The following NDFIP1 variants were observed in gnomAD, a reference collection of about 807,000 sequenced individuals.
NDFIP1 encodes NEDD4 family-interacting protein 1.
In NDFIP1, 7 loss-of-function variants were observed where a neutral mutation model predicts 28.8. That is an observed-to-expected ratio of 0.24 (90% confidence interval 0.14 to 0.46). NDFIP1 has a LOEUF of 0.46. NDFIP1 is among the 20% of genes least tolerant of loss of function. The pLI, the probability that NDFIP1 is intolerant of heterozygous loss-of-function variation, is 0.99. For synonymous variants in NDFIP1, 92 were observed against 101.0 expected (o/e 0.91, Z 0.53); for missense variants, 194 against 269.1 (o/e 0.72, Z 1.95).
chr5:142,132,081 T>C (rs1415459406), intron 2 of NDFIP1, 131 bp from the exon 3 acceptor site: 7 of 1,149,686 alleles, frequency 6.1e-6, no homozygotes, highest in South Asian at 1.7e-5. Context: ...CATCTAAGAA[T>C]GTCTTTTGGT....
At chr5:142,127,571 C>T (rs940461692) in intron 1 of NDFIP1, among the ~76,000 whole-genome samples, 1 of 152,132 alleles carries the variant, frequency 6.6e-6, no homozygotes, top group African/African-American at 2.4e-5. Flanking sequence ...GCGATGGAGG[C>T]ATAGGTAGTT....
At position 142,108,953 on chromosome 5, in the gene NDFIP1, C is replaced by A. The variant is rs760364854; in HGVS notation, c.-22C>A. 4.9e-6 allele frequency: 7 copies of A among 1,433,600 alleles called. No individual in the cohort carries two copies. The highest frequency in any genetic ancestry group is 6.4e-6 in the Non-Finnish European group (7 of 1,096,050). The allele number at this position is 1,433,600 out of a possible 1,614,324, so 88.8% of individuals were successfully genotyped here. A position where few individuals can be genotyped will look rare whatever the true frequency, so the allele number is the denominator to read the frequency against. ...TCAGCTAGCTCGCTCGCTCGCTCTG[C>A]TTCCCTGCTGCCGGCTGCGCCATGG... On this transcript the variant is annotated 5_prime_UTR_variant, in exon 1 of 8. Transcript: ENST00000253814.
At chr5:142,112,837 T>G (rs1396745818) in intron 1 of NDFIP1, among the ~76,000 whole-genome samples, 1 of 152,050 alleles carries the variant, frequency 6.6e-6, no homozygotes, top group Non-Finnish European at 1.5e-5. Context: ...TTATTTTATT[T>G]TTTTTTTCAT....
rs552679606 is a variant in NDFIP1 at position 142,118,848 on chromosome 5, C to A, written c.63+9811C>A. Reference sequence around the variant, plus strand: ...TTTATTTTATTGCTTAAATTGCATACCTCCATCATTGTGGATTTTTTTTTA... The same window carrying A: ...TTTATTTTATTGCTTAAATTGCATAACTCCATCATTGTGGATTTTTTTTTA... On this transcript the variant is annotated intron_variant, in intron 1 of 7. Transcript: ENST00000253814. Among the ~76,000 whole-genome samples the A allele has an allele frequency of 5.9e-5, 9 of 152,270 alleles. No individual in the cohort carries two copies. The East Asian group carries it at 1.7e-3, about 29-fold the overall frequency.
Position 142,131,891 on chromosome 5 carries a change from C to T in NDFIP1, c.147C>T (p.Ser49=), listed in dbSNP as rs771094858. 92 of 1,593,402 alleles carry T rather than the reference C, an allele frequency of 5.8e-5. No homozygotes were observed. Among genetic ancestry groups the T allele is most frequent in the African/African-American group, 9.5e-5 (7 of 73,468 alleles). Residue 49 remains serine (S), a synonymous_variant, in exon 2 of 8, where the codon AGC becomes AGT. Transcript: ENST00000253814. ...CTTACAGCAGCATTTCTGCAGAGAGCGCAGGTAGGTAACAGGGCAAGGTGA... is the reference window on the plus strand; with the variant it reads ...CTTACAGCAGCATTTCTGCAGAGAGTGCAGGTAGGTAACAGGGCAAGGTGA... The part of the protein sequence containing the change: ...PPPYSSISAE[S]AAYFDYKDES...
chr5:142,127,394 CAT>C (rs1204369799), intron 1 of NDFIP1, among the ~76,000 whole-genome samples: 1 of 152,098 alleles, frequency 6.6e-6, no homozygotes, highest in Admixed American at 6.6e-5. Flanking sequence ...CAGATTGTGA[CAT>C]ATCTGAAGTA....
At position 142,108,974 on chromosome 5, in the gene NDFIP1, C is replaced by T. The variant is rs1354164412; in HGVS notation, c.-1C>T. 1 of 1,445,962 alleles carries T rather than the reference C, an allele frequency of 6.9e-7. No individual in the cohort carries two copies. The highest frequency in any genetic ancestry group is 9.1e-7 in the Non-Finnish European group (1 of 1,102,800). The allele number at this position is 1,445,962 out of a possible 1,614,324, so 89.6% of individuals were successfully genotyped here. Reference sequence around the variant, plus strand: ...TCTGCTTCCCTGCTGCCGGCTGCGCCATGGCGTTGGCGTTGGCGGCGCTGG... The same window carrying T: ...TCTGCTTCCCTGCTGCCGGCTGCGCTATGGCGTTGGCGTTGGCGGCGCTGG... On this transcript the variant is annotated 5_prime_UTR_variant, in exon 1 of 8. Transcript: ENST00000253814.
chr5:142,110,664 C>G (rs1217404356), intron 1 of NDFIP1, among the ~76,000 whole-genome samples: 2 of 151,918 alleles, frequency 1.3e-5, no homozygotes, highest in Admixed American at 6.6e-5. Flanking sequence ...GCCCAAAAAA[C>G]TGCAAAACCC....
chr5:142,116,352 T>C (rs200569087), intron 1 of NDFIP1, among the ~76,000 whole-genome samples: 15 of 116,386 alleles, frequency 1.3e-4, no homozygotes, highest in East Asian at 2.2e-4. Context: ...CCTTCCTTCT[T>C]TCTCTCTCTC....
Position 142,108,863 on chromosome 5 carries a change from A to G in NDFIP1, c.-112A>G. The stretch of plus-strand genomic sequence containing the variant: ...CGCCCGGGAGCGGCGGCGGCCATCG[A>G]GACCCACCCAAGGCGCGTCCCCCTC... On this transcript the variant is annotated 5_prime_UTR_variant, in exon 1 of 8. Coordinates refer to ENST00000253814, the MANE Select transcript of NDFIP1 (RefSeq NM_030571.4). 1.1e-6 allele frequency: 1 copy of G among 934,920 alleles called. No individual in the cohort carries two copies. The highest frequency in any genetic ancestry group is 1.4e-6 in the Non-Finnish European group (1 of 695,846). 57.9% of individuals were successfully genotyped at this position (934,920 alleles called of 1,614,324 possible). A position where few individuals can be genotyped will look rare whatever the true frequency, so the allele number is the denominator to read the frequency against.
chr5:142,108,807 C>CGGCGGT lies in NDFIP1; in HGVS notation c.-166_-161dup, dbSNP rs1756978771. On this transcript the variant is annotated 5_prime_UTR_variant, in exon 1 of 8. Coordinates refer to ENST00000253814, the MANE Select transcript of NDFIP1 (RefSeq NM_030571.4). ...GGCCGCGTCGGAGCCTCGGCGGCGGCGGCGGTGCTTACAGCCTGAGAAGAG... is the reference window on the plus strand; with the variant it reads ...GGCCGCGTCGGAGCCTCGGCGGCGGCGGCGGTGGCGGTGCTTACAGCCTGAGAAGAG... 2 of 486,318 alleles carry CGGCGGT rather than the reference C, an allele frequency of 4.1e-6. No homozygotes were observed. The highest frequency in any genetic ancestry group is 6.7e-6 in the Non-Finnish European group (2 of 298,846). The allele number at this position is 486,318 out of a possible 1,614,324, so 30.1% of individuals were successfully genotyped here. A position where few individuals can be genotyped will look rare whatever the true frequency, so the allele number is the denominator to read the frequency against.
intron 6 of NDFIP1, among the ~76,000 whole-genome samples, chr5:142,141,325 G>T (rs938687380): frequency 4.0e-5 from 6 of 151,348 alleles, no homozygotes; most frequent in Non-Finnish European, 8.8e-5. Context: ...ACAGGCACCT[G>T]CCACCACGCC....
rs191795581 is a variant in NDFIP1 at position 142,141,415 on chromosome 5, A to T, written c.562+786A>T. On this transcript the variant is annotated intron_variant, in intron 6 of 7. Transcript: ENST00000253814. The stretch of plus-strand genomic sequence containing the variant: ...ATGGTCTCGATCTCCTGACTTTGTG[A>T]TCCGCCCGCCTCGGCCTCCCAAAGT... Among the ~76,000 whole-genome samples, 37 of 151,770 alleles carry T rather than the reference A, an allele frequency of 2.4e-4. No homozygotes were observed. In the East Asian group the frequency reaches 7.0e-3, roughly 29 times the overall value.
intron 7 of NDFIP1, among the ~76,000 whole-genome samples, chr5:142,146,028 A>G (rs1320172143): frequency 6.6e-6 from 1 of 152,232 alleles, no homozygotes; most frequent in Non-Finnish European, 1.5e-5. Context: ...ACAGAATCAT[A>G]TAATGAGACC....
At chr5:142,131,957 G>C in intron 2 of NDFIP1, 62 bp downstream of exon 2, 1 of 1,349,684 alleles carries the variant, frequency 7.4e-7, no homozygotes, top group Non-Finnish European at 1.0e-6. Context: ...TGACATTACA[G>C]TTTAAAAAAA....
intron 7 of NDFIP1, among the ~76,000 whole-genome samples, chr5:142,145,612 A>T (rs1228090064): frequency 6.6e-6 from 1 of 152,116 alleles, no homozygotes; most frequent in Non-Finnish European, 1.5e-5. Flanking sequence ...GTGGGGAAGA[A>T]TTTCAGAATC....
chr5:142,115,644 A>G (rs1437437590), intron 1 of NDFIP1, among the ~76,000 whole-genome samples: 3 of 152,184 alleles, frequency 2.0e-5, no homozygotes, highest in East Asian at 1.9e-4. Context: ...TGTTCCATTC[A>G]TACTGAAAAT....
chr5:142,113,316 A>G (rs1398704259), intron 1 of NDFIP1, among the ~76,000 whole-genome samples: 2 of 152,224 alleles, frequency 1.3e-5, no homozygotes, highest in East Asian at 3.8e-4. Flanking sequence ...AGGTCAAACC[A>G]TATTCATGTT....
intron 1 of NDFIP1, among the ~76,000 whole-genome samples, chr5:142,115,914 A>C (rs1472940057): frequency 6.6e-6 from 1 of 152,272 alleles, no homozygotes; most frequent in African/African-American, 2.4e-5. Flanking sequence ...AATATACACT[A>C]TAACAGCTAT....
Sources: gnomAD v4.1 joint callset for allele counts (sites outside exome capture counted in the v4.1 genomes callset) on GRCh38, gnomAD v4.1.1 for gene constraint, MANE v1.5 for transcripts, NCBI Gene and HGNC (gene_info 2026-07-23, HGNC 2026-07-21) for gene names.